Variants in MACROD2 observed in about 807,000 individuals in gnomAD.
The protein encoded by MACROD2 is ADP-ribose glycohydrolase MACROD2.
A neutral mutation model predicts 70.4 loss-of-function variants in MACROD2; 36 were observed. The ratio of observed to expected loss-of-function variants is 0.51; its 90% CI spans 0.39 to 0.68. The LOEUF (loss-of-function observed/expected upper bound fraction) is 0.68. Among genes scored for constraint, MACROD2 ranks in the 30% least tolerant of loss-of-function variants. MACROD2 has a pLI of 0.00. For synonymous variants in MACROD2, 172 were observed against 178.8 expected (o/e 0.96, Z 0.30); for missense variants, 496 against 538.4 (o/e 0.92, Z 0.78).
At chr20:15,769,923 A>G (rs1462741597) in intron 8 of MACROD2, among the ~76,000 whole-genome samples, 2 of 152,056 alleles carry the variant, frequency 1.3e-5, no homozygotes, top group Non-Finnish European at 2.9e-5. Context: ...TTTCATCAAC[A>G]ACTGGCTCAC....
intron 3 of MACROD2, among the ~76,000 whole-genome samples, chr20:14,166,434 C>T (rs1248447275): frequency 6.6e-6 from 1 of 152,086 alleles, no homozygotes; most frequent in African/African-American, 2.4e-5. Flanking sequence ...ATTCTTATCT[C>T]TCTGTAGACA....
At chr20:14,003,805 ACAT>A (rs534626705) in intron 2 of MACROD2, 115 of 376,994 alleles carry the variant, frequency 3.1e-4, no homozygotes, top group Non-Finnish European at 2.3e-4. Context: ...TCTGGTTAAG[ACAT>A]CATTGAAAGA....
At chr20:14,181,068 AT>A (rs59164079) in intron 3 of MACROD2, among the ~76,000 whole-genome samples, 4,867 of 136,482 alleles carry the variant, frequency 0.036, 75 homozygotes, top group African/African-American at 0.049. Context: ...CTGTCATTAC[AT>A]TTTTTTTTTT....
At chr20:15,162,061 A>G (rs1028244354) in intron 5 of MACROD2, among the ~76,000 whole-genome samples, 5 of 151,994 alleles carry the variant, frequency 3.3e-5, no homozygotes, top group African/African-American at 4.8e-5. Context: ...TAAAATACAG[A>G]TTACTATTCT....
At chr20:15,042,239 A>G (rs2075361612) in intron 5 of MACROD2, among the ~76,000 whole-genome samples, 1 of 152,214 alleles carries the variant, frequency 6.6e-6, no homozygotes, top group Non-Finnish European at 1.5e-5. Flanking sequence ...AAAGGGGAAA[A>G]TGCAGGAAAA....
At chr20:14,264,656 T>A (rs1404580627) in intron 3 of MACROD2, among the ~76,000 whole-genome samples, 1 of 152,118 alleles carries the variant, frequency 6.6e-6, no homozygotes, top group Non-Finnish European at 1.5e-5. Context: ...GGTATAAATA[T>A]GGTGATTAAG....
At chr20:14,293,374 G>A (rs2082401406) in intron 3 of MACROD2, among the ~76,000 whole-genome samples, 1 of 151,838 alleles carries the variant, frequency 6.6e-6, no homozygotes, top group South Asian at 2.1e-4. Flanking sequence ...AAGTAGAATA[G>A]AGAGTGAATT....
intron 4 of MACROD2, among the ~76,000 whole-genome samples, chr20:14,535,473 C>A (rs2085352232): frequency 1.4e-5 from 2 of 143,368 alleles, no homozygotes; most frequent in African/African-American, 2.6e-5. Context: ...CCATTGTACT[C>A]CAGCCTGTGC....
intron 7 of MACROD2, among the ~76,000 whole-genome samples, chr20:15,469,475 G>A (rs1600457006): frequency 6.6e-6 from 1 of 152,160 alleles, no homozygotes; most frequent in Non-Finnish European, 1.5e-5. Context: ...CGGAGGGCCT[G>A]GGATCCACAA....
At chr20:15,153,149 A>G (rs1007312304) in intron 5 of MACROD2, among the ~76,000 whole-genome samples, 1 of 152,018 alleles carries the variant, frequency 6.6e-6, no homozygotes, top group African/African-American at 2.4e-5. Context: ...ACGGCACCAA[A>G]TTTCATGTGT....
chr20:15,740,664 T>C (rs2051090604), intron 8 of MACROD2, among the ~76,000 whole-genome samples: 1 of 151,954 alleles, frequency 6.6e-6, no homozygotes. Context: ...TTAGCATACC[T>C]AAAACAACTC....
At chr20:15,002,621 G>A (rs116823219) in intron 5 of MACROD2, among the ~76,000 whole-genome samples, 26 of 152,250 alleles carry the variant, frequency 1.7e-4, no homozygotes, top group African/African-American at 6.3e-4. Flanking sequence ...TAATGTAGGT[G>A]CAGACTCAAA....
intron 8 of MACROD2, among the ~76,000 whole-genome samples, chr20:15,591,982 CAATT>C (rs1687400125): frequency 6.6e-6 from 1 of 152,120 alleles, no homozygotes; most frequent in South Asian, 2.1e-4. Context: ...AATTGATTAT[CAATT>C]GTCACCTGTT....
chr20:14,035,700 T>C (rs1289164283), intron 2 of MACROD2, among the ~76,000 whole-genome samples: 2 of 152,220 alleles, frequency 1.3e-5, no homozygotes, highest in African/African-American at 2.4e-5. Context: ...ATAACGTATA[T>C]GGTTCATCAG....
chr20:14,636,702 G>C (rs1984806218), intron 4 of MACROD2, among the ~76,000 whole-genome samples: 1 of 152,112 alleles, frequency 6.6e-6, no homozygotes, highest in Non-Finnish European at 1.5e-5. Context: ...AAAGAGGATG[G>C]CCACAAAATA....
intron 10 of MACROD2, chr20:15,893,601 A>G (rs1018995142): frequency 4.9e-6 from 2 of 411,284 alleles, no homozygotes; most frequent in African/African-American, 4.1e-5. Context: ...TTCTTTTGAA[A>G]TGTTGATGAG....
At chr20:15,577,277 G>C (rs1022729639) in intron 8 of MACROD2, among the ~76,000 whole-genome samples, 7 of 151,610 alleles carry the variant, frequency 4.6e-5, no homozygotes, top group African/African-American at 1.7e-4. Flanking sequence ...CCTATTGCCA[G>C]CTCCACCAGT....
intron 5 of MACROD2, among the ~76,000 whole-genome samples, chr20:15,092,821 A>G (rs750804623): frequency 8.5e-5 from 13 of 152,212 alleles, no homozygotes; most frequent in Non-Finnish European, 1.8e-4. Flanking sequence ...AAATCAGCAC[A>G]TAAAAATAAT....
intron 6 of MACROD2, among the ~76,000 whole-genome samples, chr20:15,257,890 A>G (rs1439890668): frequency 6.6e-6 from 1 of 151,998 alleles, no homozygotes. Context: ...ATCACAGGAG[A>G]TGACAGCTCC....
Sources: allele counts gnomAD v4.1 joint callset (sites outside exome capture counted in the v4.1 genomes callset), GRCh38; gene constraint gnomAD v4.1.1; transcripts MANE v1.5; gene names NCBI Gene and HGNC (gene_info 2026-07-23, HGNC 2026-07-21).